CTNNB1: variants seen among roughly 807,000 people sequenced by gnomAD.
CTNNB1 encodes catenin beta 1, also known as catenin beta-1.
CTNNB1 carries 6 observed loss-of-function variants against 82.5 expected under a neutral mutation model. The ratio of observed to expected loss-of-function variants is 0.07; its 90% CI spans 0.04 to 0.14. The LOEUF (loss-of-function observed/expected upper bound fraction) is 0.14, where lower values mean the gene tolerates loss of function less well. Ranked by LOEUF, CTNNB1 falls within the 10% of genes least tolerant of loss-of-function variation. CTNNB1 has a pLI of 1.00. For synonymous variants in CTNNB1, 312 were observed against 329.7 expected, an observed-to-expected ratio of 0.95 and a Z score of 0.58; for missense variants, 529 against 980.4, an observed-to-expected ratio of 0.54 and a Z score of 6.15.
chr3:41,236,296 T>A, intron 11 of CTNNB1, 53 bp from the exon 12 acceptor site: 1 of 1,608,668 alleles, frequency 6.2e-7, no homozygotes, highest in Non-Finnish European at 8.5e-7. Flanking sequence ...GTGGGGGGCT[T>A]GCCATGTTTT....
intron 1 of CTNNB1, among the ~76,000 whole-genome samples, chr3:41,215,521 G>C (rs572001578): frequency 1.6e-4 from 25 of 151,980 alleles, no homozygotes; most frequent in Admixed American, 1.4e-3. Flanking sequence ...CAGTTCATCA[G>C]GTATTTAAGA....
chr3:41,200,612 G>A (rs968059629), intron 1 of CTNNB1, among the ~76,000 whole-genome samples: 2 of 152,168 alleles, frequency 1.3e-5, no homozygotes, highest in African/African-American at 2.4e-5. Flanking sequence ...GAATTATAGA[G>A]CACGTTTTCT....
At chr3:41,227,377 T>C (rs1216117212) in intron 7 of CTNNB1, 25 bp downstream of exon 7, 2 of 1,612,398 alleles carry the variant, frequency 1.2e-6, no homozygotes, top group Non-Finnish European at 1.7e-6. Context: ...CTATTCTGAG[T>C]CTTGTGTATA....
chr3:41,224,353 T>G, intron 2 of CTNNB1, 173 bp from the exon 3 acceptor site: 7 of 742,412 alleles, frequency 9.4e-6, no homozygotes, highest in Non-Finnish European at 1.6e-5. Flanking sequence ...CCCTAAGGGA[T>G]TAGGTATTTC....
At chr3:41,237,953 G>A in intron 13 of CTNNB1, 63 bp from the exon 14 acceptor site, 1 of 1,383,806 alleles carries the variant, frequency 7.2e-7, no homozygotes, top group South Asian at 1.2e-5. Context: ...AAAAAAATTA[G>A]TGTACTTTTG....
intron 7 of CTNNB1, among the ~76,000 whole-genome samples, chr3:41,227,777 A>G (rs1196622933): frequency 1.3e-5 from 2 of 152,142 alleles, no homozygotes; most frequent in African/African-American, 2.4e-5. Flanking sequence ...CAGGCTTGTT[A>G]TATAGGTAAA....
At chr3:41,216,204 C>T (rs1273502147) in intron 1 of CTNNB1, among the ~76,000 whole-genome samples, 4 of 152,152 alleles carry the variant, frequency 2.6e-5, no homozygotes, top group Non-Finnish European at 5.9e-5. Context: ...AATGAGATAA[C>T]ATACTAGGCT....
At chr3:41,237,769 G>T in intron 13 of CTNNB1, 1 of 493,744 alleles carries the variant, frequency 2.0e-6, no homozygotes, top group Non-Finnish European at 3.7e-6. Flanking sequence ...CACATAATAG[G>T]TGCTTAATAT....
chr3:41,224,915 T>C (rs2125619289), intron 3 of CTNNB1, 39 bp from the exon 4 acceptor site: 1 of 1,614,066 alleles, frequency 6.2e-7, no homozygotes, highest in Non-Finnish European at 8.5e-7. Context: ...AGGTAAATGC[T>C]GAACTGTGGA....
chr3:41,235,606 C>T (rs2125644205), intron 10 of CTNNB1, 118 bp from the exon 11 acceptor site: 2 of 1,347,216 alleles, frequency 1.5e-6, no homozygotes, highest in South Asian at 2.4e-5. Context: ...CCTTCCTGAA[C>T]TAATTGCAAG....
intron 1 of CTNNB1, among the ~76,000 whole-genome samples, chr3:41,215,213 TAAAAAAAAA>T (rs10576683): frequency 1.8e-3 from 134 of 76,178 alleles, no homozygotes; most frequent in African/African-American, 6.0e-3. Flanking sequence ...CTGTCTCCAT[TAAAAAAAAA>T]AAAAAAAAAA....
chr3:41,235,809 T>C lies in CTNNB1; in HGVS notation c.1769T>C (p.Ile590Thr). Reference sequence around the variant, plus strand: ...CGGGATGTTCACAACCGAATTGTTATCAGAGGACTAAATACCATTCCATTG... The same window carrying C: ...CGGGATGTTCACAACCGAATTGTTACCAGAGGACTAAATACCATTCCATTG... ...LARDVHNRIV[I>T]RGLNTIPLFV... is the part of the protein sequence containing the mutation. Residue 590 changes from isoleucine (I) to threonine (T), a missense_variant, in exon 11 of 15, where the codon ATC becomes ACC. By Grantham distance (89) the Ile-to-Thr change is moderately conservative. This residue lies in a region of CTNNB1 where 411 missense variants were observed against 776.4 expected (regional missense o/e 0.53). Transcript: ENST00000349496. 2.5e-6 allele frequency: 4 copies of C among 1,614,150 alleles called. No homozygotes were observed. The South Asian group carries it at 4.4e-5, about 18-fold the overall frequency.
intron 2 of CTNNB1, 107 bp from the exon 3 acceptor site, chr3:41,224,419 G>T: frequency 8.4e-7 from 1 of 1,183,674 alleles, no homozygotes; most frequent in South Asian, 1.3e-5. Context: ...TTTCAGATTT[G>T]ACTTTATTTC....
At chr3:41,221,105 T>C (rs940923135) in intron 1 of CTNNB1, 2 of 152,206 alleles carry the variant, frequency 1.3e-5, no homozygotes, top group Non-Finnish European at 2.9e-5. Context: ...GCTAGCCCCC[T>C]CTTTGTCAAA....
intron 1 of CTNNB1, among the ~76,000 whole-genome samples, chr3:41,209,606 CAG>C (rs1343440917): frequency 4.6e-5 from 7 of 152,152 alleles, no homozygotes; most frequent in African/African-American, 1.7e-4. Context: ...GTGTGAACAT[CAG>C]AGTATACATA....
At chr3:41,219,419 G>A (rs970276302) in intron 1 of CTNNB1, among the ~76,000 whole-genome samples, 1 of 152,096 alleles carries the variant, frequency 6.6e-6, no homozygotes, top group African/African-American at 2.4e-5. Flanking sequence ...GCCTATATGT[G>A]CTATATCAAT....
intron 1 of CTNNB1, among the ~76,000 whole-genome samples, chr3:41,208,491 A>C (rs1308324079): frequency 6.6e-6 from 1 of 152,062 alleles, no homozygotes; most frequent in Non-Finnish European, 1.5e-5. Context: ...CCACTTTCTA[A>C]TTCCTCTAGT....
rs1307896094 is a variant in CTNNB1 at position 41,238,116 on chromosome 3, T to TAA, written c.2137+42_2137+43dup. 10 of 1,573,254 alleles carry TAA rather than the reference T, an allele frequency of 6.4e-6. No individual in the cohort carries two copies. In the Admixed American group the frequency reaches 1.7e-4, roughly 26 times the overall value. On this transcript the variant is annotated intron_variant, in intron 14 of 14. Transcript: ENST00000349496. Reference sequence around the variant, plus strand: ...TTTCTCGATTAACTCCAGATCAAGCTAAAGTTCTAAAACTTTTATCAGAAG... The same window carrying TAA: ...TTTCTCGATTAACTCCAGATCAAGCTAAAAAGTTCTAAAACTTTTATCAGAAG...
At chr3:41,228,714 C>T (rs920621533) in intron 7 of CTNNB1, among the ~76,000 whole-genome samples, 6 of 152,124 alleles carry the variant, frequency 3.9e-5, no homozygotes, top group East Asian at 1.9e-4. Flanking sequence ...TCTTTTGCTG[C>T]GCAGAAGCTC....
Sources: allele counts gnomAD v4.1 joint callset (sites outside exome capture counted in the v4.1 genomes callset), GRCh38; gene constraint gnomAD v4.1.1; regional missense constraint gnomAD v4.1.1; transcripts MANE v1.5; gene names NCBI Gene and HGNC (gene_info 2026-07-23, HGNC 2026-07-21).